The following ZNF605 variants were observed in gnomAD, a reference collection of about 807,000 sequenced individuals.
ZNF605 encodes the protein zinc finger protein 605.
In ZNF605, 9 loss-of-function variants were observed where a neutral mutation model predicts 7.9. That is an observed-to-expected ratio of 1.14 (90% CI 0.68 to 1.98). ZNF605 has a LOEUF of 1.98. Among genes scored for constraint, ZNF605 ranks in the 30% most tolerant of loss-of-function variants. The probability of loss-of-function intolerance (pLI) is 0.00; values close to 1 mark genes in which losing one functional copy is unlikely to be tolerated. For synonymous variants in ZNF605, 255 were observed against 260.1 expected (o/e 0.98, Z 0.19); for missense variants, 673 against 762.4 (o/e 0.88, Z 1.38).
chr12:132,935,680 A>C (rs371547219), intron 3 of ZNF605, among the ~76,000 whole-genome samples: 7,571 of 128,440 alleles, frequency 0.059, 28 homozygotes, highest in Middle Eastern at 0.08. Context: ...ATCACGAGGT[A>C]AGGAGATCGA....
At chr12:132,943,252 G>C (rs1218463610) in intron 3 of ZNF605, among the ~76,000 whole-genome samples, 2 of 151,900 alleles carry the variant, frequency 1.3e-5, no homozygotes, top group African/African-American at 2.4e-5. Context: ...CCAGCTACTC[G>C]GGAGGCTGAG....
In ZNF605 at chr12:132,918,576, C is replaced by T. The variant is rs1389928119; in HGVS notation, c.*6797G>A. 2.0e-5 allele frequency: 3 copies of T among 152,248 alleles called. No homozygotes were observed. The highest frequency in any genetic ancestry group is 7.2e-5 in the African/African-American group (3 of 41,458). The allele number at this position is 152,248 out of a possible 1,614,324, so 9.4% of individuals were successfully genotyped here. On this transcript the variant is annotated 3_prime_UTR_variant, in exon 5 of 5. Coordinates refer to ENST00000360187, the MANE Select transcript of ZNF605 (RefSeq NM_183238.4). Reference sequence around the variant, plus strand: ...GTTAGCTATTAGCCTTTTAGCCCCACCCTTGTTTTCTCTTTTTTTGAGACG... The same window carrying T: ...GTTAGCTATTAGCCTTTTAGCCCCATCCTTGTTTTCTCTTTTTTTGAGACG...
At position 132,933,481 on chromosome 12, in the gene ZNF605, G is replaced by C. The variant is rs1397347984; in HGVS notation, c.16-326C>G. On this transcript the variant is annotated intron_variant, in intron 3 of 4. Coordinates refer to ENST00000360187, the MANE Select transcript of ZNF605 (RefSeq NM_183238.4). This position sits in a 1 kb window ranked among gnomAD's most constrained non-coding sequence, Gnocchi z 4.4. Reference sequence around the variant, plus strand: ...GCCATGTGGAAGCTCATGTGCCGTGGAACTGAGGCTTCCCAACAGCCACTG... The same window carrying C: ...GCCATGTGGAAGCTCATGTGCCGTGCAACTGAGGCTTCCCAACAGCCACTG... Among the ~76,000 whole-genome samples the C allele has an allele frequency of 6.6e-6, 1 of 152,222 alleles. No individual in the cohort carries two copies. Among genetic ancestry groups the C allele is most frequent in the Non-Finnish European group, 1.5e-5 (1 of 68,046 alleles).
chr12:132,924,536 C>T lies in ZNF605; in HGVS notation c.*837G>A, dbSNP rs1241056936. On this transcript the variant is annotated 3_prime_UTR_variant, in exon 5 of 5. Coordinates refer to ENST00000360187, the MANE Select transcript of ZNF605 (RefSeq NM_183238.4). ...CAGTACTTTCCCCTGGAAATTCTAG[C>T]TGCTGTGGCCTCCCCAACTGCCAGT... 9 of 152,264 alleles carry T rather than the reference C, an allele frequency of 5.9e-5. No individual in the cohort carries two copies. Among genetic ancestry groups the T allele is most frequent in the African/African-American group, 2.2e-4 (9 of 41,434 alleles). The allele number at this position is 152,264 out of a possible 1,614,324, so 9.4% of individuals were successfully genotyped here.
intron 1 of ZNF605, among the ~76,000 whole-genome samples, chr12:132,956,021 C>G (rs1376387898): frequency 9.3e-5 from 14 of 150,128 alleles, no homozygotes; most frequent in Non-Finnish European, 1.8e-4. Context: ...CTCTGCCTCC[C>G]ACCCCCGCGC....
chr12:132,951,001 C>A (rs1389659016), intron 1 of ZNF605, among the ~76,000 whole-genome samples: 1 of 151,544 alleles, frequency 6.6e-6, no homozygotes, highest in East Asian at 2.0e-4. Flanking sequence ...CACACGCAGA[C>A]ATGTACAGAC....
At chr12:132,931,992 T>C (rs1245287735) in intron 4 of ZNF605, among the ~76,000 whole-genome samples, 1 of 152,210 alleles carries the variant, frequency 6.6e-6, no homozygotes, top group Non-Finnish European at 1.5e-5. Flanking sequence ...AGCACATCCA[T>C]GGCACACTGC....
In ZNF605 at chr12:132,918,374, A is replaced by C. The variant is rs1049050514; in HGVS notation, c.*6999T>G. ...TCACACTCACACATATGAATTCATGAAACAGTTTACTCAGTTAACATTTGC... is the reference window on the plus strand; with the variant it reads ...TCACACTCACACATATGAATTCATGCAACAGTTTACTCAGTTAACATTTGC... On this transcript the variant is annotated 3_prime_UTR_variant, in exon 5 of 5. Coordinates refer to ENST00000360187, the MANE Select transcript of ZNF605 (RefSeq NM_183238.4). 1 of 152,260 alleles carries C rather than the reference A, an allele frequency of 6.6e-6. No homozygotes were observed. The highest frequency in any genetic ancestry group is 2.4e-5 in the African/African-American group (1 of 41,472). 9.4% of individuals were successfully genotyped at this position (152,260 alleles called of 1,614,324 possible). A position where few individuals can be genotyped will look rare whatever the true frequency, so the allele number is the denominator to read the frequency against.
chr12:132,925,616 A>G lies in ZNF605; in HGVS notation c.1683T>C (p.Tyr561=). 6.2e-7 allele frequency: 1 copy of G among 1,614,172 alleles called. No homozygotes were observed. Among genetic ancestry groups the G allele is most frequent in the East Asian group, 2.2e-5 (1 of 44,890 alleles). Residue 561 remains tyrosine (Y), a synonymous_variant, in exon 5 of 5, where the codon TAT becomes TAC. Transcript: ENST00000360187. ...HQRNHTGEKT[Y]GCSDCAKAFF... is the part of the protein sequence containing the mutation. ...AAGCTTTTGCACAATCGCTGCATCC[A>G]TAGGTTTTCTCTCCTGTGTGATTTC...
At chr12:132,942,565 G>A (rs710944) in intron 3 of ZNF605, among the ~76,000 whole-genome samples, 63,060 of 152,128 alleles carry the variant, frequency 0.41, 14,378 homozygotes, top group Middle Eastern at 0.55. Flanking sequence ...GAGGCCCGAC[G>A]ATGGGAAGCC....
intron 3 of ZNF605, among the ~76,000 whole-genome samples, chr12:132,944,616 G>C (rs1029085826): frequency 6.6e-6 from 1 of 152,158 alleles, no homozygotes; most frequent in Non-Finnish European, 1.5e-5. Context: ...ATCTAGGTAG[G>C]ATGTGCAACC....
intron 1 of ZNF605, among the ~76,000 whole-genome samples, chr12:132,951,043 C>T (rs1952557744): frequency 7.0e-6 from 1 of 142,164 alleles, no homozygotes; most frequent in Non-Finnish European, 1.5e-5. Flanking sequence ...CAGACATGTA[C>T]ACACAGATAC....
intron 1 of ZNF605, among the ~76,000 whole-genome samples, chr12:132,954,597 C>T (rs1952615678): frequency 6.6e-6 from 1 of 151,036 alleles, no homozygotes; most frequent in Admixed American, 6.6e-5. Context: ...GCCACAGACC[C>T]CCTAAATTAG....
At chr12:132,937,500 AACACACACACACACAGACACACACACAC>A (rs1952380599) in intron 3 of ZNF605, among the ~76,000 whole-genome samples, 1 of 151,476 alleles carries the variant, frequency 6.6e-6, no homozygotes, top group South Asian at 2.1e-4. Flanking sequence ...GCTAAAACTA[AACACACACACACACAGACACACACACAC>A]ACACACACCC....
At chr12:132,955,754 A>G (rs1420363519) in intron 1 of ZNF605, among the ~76,000 whole-genome samples, 1 of 151,862 alleles carries the variant, frequency 6.6e-6, no homozygotes, top group Non-Finnish European at 1.5e-5. Flanking sequence ...CTGGCCTCCA[A>G]TGCTCACCCA....
At chr12:132,936,555 C>G (rs1383585669) in intron 3 of ZNF605, among the ~76,000 whole-genome samples, 1 of 152,156 alleles carries the variant, frequency 6.6e-6, no homozygotes, top group Non-Finnish European at 1.5e-5. Flanking sequence ...GTTAATGGAA[C>G]AGAACACAGA....
At chr12:132,955,817 C>T (rs1265698733) in intron 1 of ZNF605, among the ~76,000 whole-genome samples, 1 of 152,054 alleles carries the variant, frequency 6.6e-6, no homozygotes, top group Non-Finnish European at 1.5e-5. Flanking sequence ...GACAAATCCT[C>T]CACACGGCCT....
intron 1 of ZNF605, among the ~76,000 whole-genome samples, chr12:132,949,320 A>G (rs1593602707): frequency 6.6e-6 from 1 of 152,208 alleles, no homozygotes; most frequent in East Asian, 1.9e-4. Context: ...CACCAGTGCT[A>G]TAGATTACAC....
chr12:132,925,871 G>C lies in ZNF605; in HGVS notation c.1428C>G (p.Pro476=). Residue 476 remains proline, a synonymous_variant, in exon 5 of 5, where the codon CCC becomes CCG. Coordinates refer to ENST00000360187, the MANE Select transcript of ZNF605 (RefSeq NM_183238.4). ...SHQRTHTGEK[P]YECSECRKTF... ...TTTTCCTGCATTCACTGCATTCATA[G>C]GGTTTCTCACCTGTATGTGTTCTCT... The C allele has an allele frequency of 6.2e-7, 1 of 1,614,082 alleles. No homozygotes were observed. The highest frequency in any genetic ancestry group is 8.5e-7 in the Non-Finnish European group (1 of 1,179,998).
Sources: gnomAD v4.1 joint callset for allele counts (sites outside exome capture counted in the v4.1 genomes callset) on GRCh38, gnomAD v4.1.1 for gene constraint, Gnocchi (gnomAD v3.1) non-coding constraint, MANE v1.5 for transcripts, NCBI Gene and HGNC (gene_info 2026-07-23, HGNC 2026-07-21) for gene names.